ENTREP2: variants seen among roughly 807,000 people sequenced by gnomAD.
ENTREP2 encodes endosomal transmembrane epsin interactor 2, also known as protein ENTREP2.
chr15:29,597,046 T>G, the ENTREP2 span, among the ~76,000 whole-genome samples: 6 of 151,902 alleles, frequency 3.9e-5, no homozygotes, highest in African/African-American at 1.2e-4. Context: ...CCATAGGGTT[T>G]TGCCAAATCC....
At chr15:29,365,754 T>C in the ENTREP2 span, among the ~76,000 whole-genome samples, 1 of 149,122 alleles carries the variant, frequency 6.7e-6, no homozygotes, top group Non-Finnish European at 1.5e-5. Context: ...AAAACAAAAC[T>C]GAATCTAATA....
At chr15:29,625,001 T>TACCCATCCTATCCAGGCTC in the ENTREP2 span, among the ~76,000 whole-genome samples, 1 of 151,862 alleles carries the variant, frequency 6.6e-6, no homozygotes, top group African/African-American at 2.4e-5. Context: ...AACTATCTCA[T>TACCCATCCTATCCAGGCTC]ACCCATCCTA....
the ENTREP2 span, among the ~76,000 whole-genome samples, chr15:29,283,338 C>A: frequency 6.6e-6 from 1 of 152,214 alleles, no homozygotes; most frequent in African/African-American, 2.4e-5. Context: ...CCCACCCTAT[C>A]TGCCTCTATC....
At chr15:29,333,103 A>T in the ENTREP2 span, among the ~76,000 whole-genome samples, 2 of 152,012 alleles carry the variant, frequency 1.3e-5, no homozygotes, top group Admixed American at 6.6e-5. Flanking sequence ...CAGAGAACTG[A>T]CCTAAGAAAG....
At chr15:29,166,076 G>A in the ENTREP2 span, among the ~76,000 whole-genome samples, 1 of 152,148 alleles carries the variant, frequency 6.6e-6, no homozygotes, top group African/African-American at 2.4e-5. Context: ...AAAATCACAT[G>A]ATCATCTCAA....
chr15:29,422,295 GA>G, the ENTREP2 span, among the ~76,000 whole-genome samples: 7 of 151,762 alleles, frequency 4.6e-5, no homozygotes, highest in Non-Finnish European at 8.8e-5. Flanking sequence ...AAGAAAAAAA[GA>G]AAAAAAAGAA....
the ENTREP2 span, among the ~76,000 whole-genome samples, chr15:29,444,138 C>CAGACAGAAAGACAGACAGAA: frequency 4.1e-5 from 4 of 97,778 alleles, no homozygotes; most frequent in Admixed American, 3.2e-4. Context: ...GAAAGACAGA[C>CAGACAGAAAGACAGACAGAA]AGAAAGAAAG....
chr15:29,249,344 A>C, the ENTREP2 span, among the ~76,000 whole-genome samples: 252 of 152,326 alleles, frequency 1.7e-3, no homozygotes, highest in African/African-American at 5.8e-3. Context: ...CAATGTGATC[A>C]GTTAAAAAAG....
chr15:29,420,439 G>A, the ENTREP2 span, among the ~76,000 whole-genome samples: 4 of 152,176 alleles, frequency 2.6e-5, no homozygotes, highest in African/African-American at 9.7e-5. Context: ...CCCAGGGTCA[G>A]AGAGCTTTGA....
the ENTREP2 span, among the ~76,000 whole-genome samples, chr15:29,298,014 G>A: frequency 2.4e-3 from 361 of 152,268 alleles, 5 homozygotes; most frequent in Non-Finnish European, 2.7e-3. Context: ...CACACATGGG[G>A]CAGAAAAGCA....
chr15:29,269,801 G>T, the ENTREP2 span: 1 of 1,199,130 alleles, frequency 8.3e-7, no homozygotes, highest in Non-Finnish European at 1.1e-6. Flanking sequence ...GCCTGGAGGC[G>T]CGCGCAGTGT....
At chr15:29,238,907 A>G in the ENTREP2 span, among the ~76,000 whole-genome samples, 1 of 152,104 alleles carries the variant, frequency 6.6e-6, no homozygotes, top group African/African-American at 2.4e-5. Flanking sequence ...CCATGATCCA[A>G]TCACCTCCCA....
At chr15:29,444,598 C>G in the ENTREP2 span, among the ~76,000 whole-genome samples, 1 of 151,924 alleles carries the variant, frequency 6.6e-6, no homozygotes, top group African/African-American at 2.4e-5. Context: ...TCCCGAATAC[C>G]TGGCACTACA....
At chr15:29,517,676 T>C in the ENTREP2 span, among the ~76,000 whole-genome samples, 1 of 152,100 alleles carries the variant, frequency 6.6e-6, no homozygotes, top group Admixed American at 6.5e-5. Context: ...TGGACACACA[T>C]CCTCCCTTTA....
chr15:29,305,951 A>C, the ENTREP2 span, among the ~76,000 whole-genome samples: 4,426 of 152,342 alleles, frequency 0.029, 204 homozygotes, highest in African/African-American at 0.1. Flanking sequence ...GGGGCTAAAG[A>C]AGCAGCCAGT....
At chr15:29,466,166 C>G in the ENTREP2 span, among the ~76,000 whole-genome samples, 2 of 152,042 alleles carry the variant, frequency 1.3e-5, no homozygotes, top group African/African-American at 2.4e-5. Context: ...CAGGAAGGGC[C>G]AGTGAGAGCA....
chr15:29,310,577 G>A, the ENTREP2 span, among the ~76,000 whole-genome samples: 1 of 152,212 alleles, frequency 6.6e-6, no homozygotes, highest in Non-Finnish European at 1.5e-5. Flanking sequence ...TCTGACAGGA[G>A]AAGAGAAACT....
At chr15:29,418,065 G>A in the ENTREP2 span, among the ~76,000 whole-genome samples, 2 of 152,270 alleles carry the variant, frequency 1.3e-5, no homozygotes, top group African/African-American at 4.8e-5. Context: ...TACAGCAAAT[G>A]TGTTTTAAAG....
chr15:29,645,894 G>A, the ENTREP2 span, among the ~76,000 whole-genome samples: 1 of 152,072 alleles, frequency 6.6e-6, no homozygotes, highest in South Asian at 2.1e-4. Flanking sequence ...TAATACTTTT[G>A]TGGGAAATGC....
Sources: allele counts gnomAD v4.1 joint callset (sites outside exome capture counted in the v4.1 genomes callset), GRCh38; gene constraint gnomAD v4.1.1; transcripts MANE v1.5; gene names NCBI Gene and HGNC (gene_info 2026-07-23, HGNC 2026-07-21).